The following ZZZ3 variants were observed in gnomAD, a reference collection of about 807,000 sequenced individuals.
The protein encoded by ZZZ3 is zinc finger ZZ-type containing 3, also known as ZZ-type zinc finger-containing protein 3.
A neutral mutation model predicts 95.2 loss-of-function variants in ZZZ3; 22 were observed. That is an observed-to-expected ratio of 0.23 (90% CI 0.17 to 0.33). The LOEUF (loss-of-function observed/expected upper bound fraction) is 0.33, where lower values mean the gene tolerates loss of function less well. Ranked by LOEUF, ZZZ3 falls within the 10% of genes least tolerant of loss-of-function variation. The probability of loss-of-function intolerance (pLI) is 1.00; values close to 1 mark genes in which losing one functional copy is unlikely to be tolerated. For missense variants in ZZZ3, 885 were observed against 1,066.5 expected (o/e 0.83, Z 2.37); for synonymous variants, 335 against 358.9 (o/e 0.93, Z 0.75).
intron 1 of ZZZ3, among the ~76,000 whole-genome samples, chr1:77,682,180 T>C (rs998866908): frequency 6.6e-6 from 1 of 151,842 alleles, no homozygotes; most frequent in Non-Finnish European, 1.5e-5. Context: ...AGAAAATAGA[T>C]GGGAGGAGTT....
chr1:77,665,902 G>A (rs992624303), intron 1 of ZZZ3, among the ~76,000 whole-genome samples: 42 of 152,120 alleles, frequency 2.8e-4, no homozygotes, highest in African/African-American at 8.7e-4. Flanking sequence ...TCAGCCAGGC[G>A]TGGTGGCACA....
chr1:77,642,026 T>C (rs1668820512), intron 1 of ZZZ3, among the ~76,000 whole-genome samples: 1 of 152,192 alleles, frequency 6.6e-6, no homozygotes, highest in Non-Finnish European at 1.5e-5. Flanking sequence ...GTGTTTTATA[T>C]TTTAGGGAAT....
At chr1:77,629,962 A>C (rs1002972658) in intron 5 of ZZZ3, among the ~76,000 whole-genome samples, 2 of 152,252 alleles carry the variant, frequency 1.3e-5, no homozygotes, top group Admixed American at 1.3e-4. Context: ...CATCCTTCAG[A>C]ATTATTATCG....
intron 5 of ZZZ3, among the ~76,000 whole-genome samples, chr1:77,611,708 A>G (rs1004618617): frequency 1.3e-5 from 2 of 152,090 alleles, no homozygotes; most frequent in African/African-American, 4.8e-5. Context: ...GTCTTTGACA[A>G]AGGTGGCGAA....
chr1:77,646,130 C>A (rs1441147576), intron 1 of ZZZ3, among the ~76,000 whole-genome samples: 12 of 152,100 alleles, frequency 7.9e-5, no homozygotes, highest in Admixed American at 6.6e-4. Context: ...CAAATTGTTC[C>A]TACCTCTGTA....
intron 5 of ZZZ3, among the ~76,000 whole-genome samples, chr1:77,631,025 T>C (rs1251238865): frequency 6.6e-6 from 1 of 152,264 alleles, no homozygotes; most frequent in Non-Finnish European, 1.5e-5. Context: ...ATGATATTTA[T>C]GATGAGCACT....
intron 12 of ZZZ3, among the ~76,000 whole-genome samples, 155 bp downstream of exon 12, chr1:77,575,913 T>C (rs1267236500): frequency 6.6e-6 from 1 of 152,230 alleles, no homozygotes; most frequent in African/African-American, 2.4e-5. Context: ...TTGTATATGT[T>C]TGAAATTTTC....
chr1:77,570,961 G>A (rs758928937), intron 12 of ZZZ3, among the ~76,000 whole-genome samples: 5 of 150,516 alleles, frequency 3.3e-5, no homozygotes, highest in Non-Finnish European at 5.9e-5. Context: ...GAGCCACTGC[G>A]CCTGGCCCCA....
chr1:77,667,508 C>T (rs1671344283), intron 1 of ZZZ3, among the ~76,000 whole-genome samples: 1 of 151,936 alleles, frequency 6.6e-6, no homozygotes, highest in Non-Finnish European at 1.5e-5. Context: ...TTGACTAGTC[C>T]TTTTTATTGT....
At chr1:77,667,150 A>G (rs1401624232) in intron 1 of ZZZ3, among the ~76,000 whole-genome samples, 1 of 152,238 alleles carries the variant, frequency 6.6e-6, no homozygotes, top group Non-Finnish European at 1.5e-5. Context: ...GAACCTGAAG[A>G]CAAGTTTTTA....
chr1:77,607,758 C>A (rs890810530), intron 5 of ZZZ3, among the ~76,000 whole-genome samples: 1 of 151,914 alleles, frequency 6.6e-6, no homozygotes, highest in African/African-American at 2.4e-5. Context: ...CTTATCTCTC[C>A]TAAAAATACA....
Position 77,565,923 on chromosome 1 carries a change from G to A in ZZZ3, c.2568-139C>T, listed in dbSNP as rs899031487. ...TCCAACGGAAAGTTACTTGACATGTGGTATGATTACAGAAAAAAATTAATT... is the reference window on the plus strand; with the variant it reads ...TCCAACGGAAAGTTACTTGACATGTAGTATGATTACAGAAAAAAATTAATT... On this transcript the variant is annotated intron_variant, in intron 14 of 14. Transcript: ENST00000370801. 6.2e-6 allele frequency: 7 copies of A among 1,126,508 alleles called. No homozygotes were observed. The African/African-American group carries it at 1.1e-4, about 18-fold the overall frequency. 69.8% of individuals were successfully genotyped at this position (1,126,508 alleles called of 1,614,324 possible). A position where few individuals can be genotyped will look rare whatever the true frequency, so the allele number is the denominator to read the frequency against.
intron 1 of ZZZ3, among the ~76,000 whole-genome samples, chr1:77,668,670 A>C (rs1392907660): frequency 6.8e-6 from 1 of 147,666 alleles, no homozygotes; most frequent in Non-Finnish European, 1.5e-5. Flanking sequence ...AAAAAAAGTT[A>C]CAGTGCTCTC....
At chr1:77,567,960 T>G (rs796960606) in intron 13 of ZZZ3, among the ~76,000 whole-genome samples, 1 of 152,202 alleles carries the variant, frequency 6.6e-6, no homozygotes, top group Non-Finnish European at 1.5e-5. Context: ...ACCACTGCTT[T>G]GCATAAATGA....
chr1:77,582,389 T>C (rs1204275679), intron 6 of ZZZ3, among the ~76,000 whole-genome samples: 2 of 152,156 alleles, frequency 1.3e-5, no homozygotes, highest in Admixed American at 6.5e-5. Flanking sequence ...ATAATGATAG[T>C]AATATAAAAT....
chr1:77,664,369 G>T (rs1035075394), intron 1 of ZZZ3, among the ~76,000 whole-genome samples: 6 of 152,154 alleles, frequency 3.9e-5, no homozygotes, highest in Admixed American at 3.9e-4. Context: ...TGATCCATCA[G>T]AATTAACTAC....
intron 11 of ZZZ3, 57 bp downstream of exon 11, chr1:77,578,717 G>A (rs1457232387): frequency 3.0e-6 from 3 of 989,808 alleles, no homozygotes; most frequent in Non-Finnish European, 4.2e-6. Flanking sequence ...TTTTTACATA[G>A]CAATTCTTAC....
intron 5 of ZZZ3, among the ~76,000 whole-genome samples, chr1:77,624,472 C>T (rs996649482): frequency 8.8e-6 from 1 of 113,086 alleles, no homozygotes. Context: ...AAATGAAGCT[C>T]CATTTTGAAA....
Position 77,632,072 on chromosome 1 carries a change from G to C in ZZZ3, c.1283C>G (p.Thr428Arg), listed in dbSNP as rs1667859124. Residue 428 changes from threonine to arginine, a missense_variant, in exon 5 of 15, where the codon ACA becomes AGA. Thr to Arg is a moderately conservative substitution (Grantham distance 71, BLOSUM62 -1). Transcript: ENST00000370801. ...TVSDNVSQSP[T>R]NPGEISQNEK... ...ATTTTGAGAAATTTCACCAGGATTT[G>C]TAGGAGATTGACTTACATTATCACT... The C allele has an allele frequency of 6.2e-7, 1 of 1,614,082 alleles. No individual in the cohort carries two copies. The highest frequency in any genetic ancestry group is 1.3e-5 in the African/African-American group (1 of 75,040).
Sources: allele counts gnomAD v4.1 joint callset (sites outside exome capture counted in the v4.1 genomes callset), GRCh38; gene constraint gnomAD v4.1.1; transcripts MANE v1.5; gene names NCBI Gene and HGNC (gene_info 2026-07-23, HGNC 2026-07-21).